The following SPATS2 variants were observed in gnomAD, a reference collection of about 807,000 sequenced individuals.
SPATS2 encodes spermatogenesis associated serine rich 2.
In SPATS2, 38 loss-of-function variants were observed where a neutral mutation model predicts 63.7. The ratio of observed to expected loss-of-function variants is 0.60; its 90% confidence interval spans 0.46 to 0.78. SPATS2 has a LOEUF of 0.78. SPATS2 is among the 30% of genes least tolerant of loss of function. The pLI is 0.00. For missense variants in SPATS2, 588 were observed against 666.2 expected (o/e 0.88, Z 1.29); for synonymous variants, 207 against 232.9 (o/e 0.89, Z 1.01).
intron 2 of SPATS2, among the ~76,000 whole-genome samples, chr12:49,459,940 GAAA>G (rs533258878): frequency 1.9e-5 from 2 of 105,754 alleles, no homozygotes; most frequent in Non-Finnish European, 3.9e-5. Context: ...TGTCTCTACT[GAAA>G]AAAAAAAAAA....
intron 2 of SPATS2, among the ~76,000 whole-genome samples, chr12:49,421,392 G>A (rs1944979548): frequency 1.5e-5 from 2 of 131,694 alleles, no homozygotes; most frequent in Admixed American, 1.8e-4. Flanking sequence ...ACTCCAGCCT[G>A]GGCAACAGAG....
intron 2 of SPATS2, among the ~76,000 whole-genome samples, chr12:49,419,504 CAGT>C (rs1944943626): frequency 6.6e-6 from 1 of 152,146 alleles, no homozygotes; most frequent in African/African-American, 2.4e-5. Context: ...TTTGTGAAAC[CAGT>C]AATTCCATAG....
Position 49,526,349 on chromosome 12 carries a change from A to T in SPATS2, c.*94A>T. ...TACAGTTAGATGTAATAACAAAAAGAAGTTTATGCGTATCACTTTTTGTGC... is the reference window on the plus strand; with the variant it reads ...TACAGTTAGATGTAATAACAAAAAGTAGTTTATGCGTATCACTTTTTGTGC... On this transcript the variant is annotated 3_prime_UTR_variant, in exon 14 of 14. Transcript: ENST00000552918. 1 of 1,390,004 alleles carries T rather than the reference A, an allele frequency of 7.2e-7. No individual in the cohort carries two copies. Among genetic ancestry groups the T allele is most frequent in the Non-Finnish European group, 9.6e-7 (1 of 1,040,726 alleles). The allele number at this position is 1,390,004 out of a possible 1,614,324, so 86.1% of individuals were successfully genotyped here.
At chr12:49,368,189 C>A (rs951214273) in intron 1 of SPATS2, among the ~76,000 whole-genome samples, 1 of 152,194 alleles carries the variant, frequency 6.6e-6, no homozygotes, top group Admixed American at 6.5e-5. Flanking sequence ...TCTCATAATT[C>A]ATCCAGAATG....
intron 9 of SPATS2, among the ~76,000 whole-genome samples, chr12:49,508,987 C>G (rs1019562021): frequency 6.6e-6 from 1 of 151,904 alleles, no homozygotes; most frequent in Non-Finnish European, 1.5e-5. Flanking sequence ...TTGCTTGAAC[C>G]GGGGACGCAA....
intron 2 of SPATS2, among the ~76,000 whole-genome samples, chr12:49,456,386 A>G (rs1945719745): frequency 6.6e-6 from 1 of 152,222 alleles, no homozygotes; most frequent in Non-Finnish European, 1.5e-5. Flanking sequence ...GAGCATATCT[A>G]GAGTGTAAAA....
chr12:49,398,765 C>A (rs774494593), intron 2 of SPATS2, among the ~76,000 whole-genome samples: 22 of 152,098 alleles, frequency 1.4e-4, no homozygotes, highest in Non-Finnish European at 2.6e-4. Context: ...CCCACCAACC[C>A]CCATGTTTTC....
At chr12:49,514,729 A>C in intron 10 of SPATS2, 116 bp downstream of exon 10, 1 of 892,990 alleles carries the variant, frequency 1.1e-6, no homozygotes, top group Non-Finnish European at 1.7e-6. Context: ...TATATATTTA[A>C]ATAATCTTAA....
chr12:49,455,126 GCTTGC>G (rs1170999785), intron 2 of SPATS2, among the ~76,000 whole-genome samples: 5 of 151,754 alleles, frequency 3.3e-5, no homozygotes, highest in Non-Finnish European at 7.4e-5. Context: ...TTAAAGTCTG[GCTTGC>G]TGAAGTTACA....
At chr12:49,513,241 G>A (rs1946782526) in intron 9 of SPATS2, among the ~76,000 whole-genome samples, 1 of 149,482 alleles carries the variant, frequency 6.7e-6, no homozygotes. Flanking sequence ...GTGTGTTTGA[G>A]TGTGATTACA....
At chr12:49,380,714 A>AT (rs1555177687) in intron 2 of SPATS2, among the ~76,000 whole-genome samples, 1,909 of 151,218 alleles carry the variant, frequency 0.013, 31 homozygotes, top group African/African-American at 0.031. Flanking sequence ...TCAAAAAAAA[A>AT]ATATATATAT....
rs188030634 is a variant in SPATS2 at position 49,520,719 on chromosome 12, C to A, written c.1008+1537C>A. 3.2e-3 allele frequency among the ~76,000 whole-genome samples: 488 copies of A among 151,972 alleles called. 1 individual carries two copies. The highest frequency in any genetic ancestry group is 0.018 in the South Asian group (84 of 4,798). On this transcript the variant is annotated intron_variant, in intron 11 of 13. Coordinates refer to ENST00000552918, the MANE Select transcript of SPATS2 (RefSeq NM_023071.4). ...CAATTACTTGGGTTCAACATTTATA[C>A]CTTTTTAATTTTTTTTTTTTTTTGA...
intron 8 of SPATS2, among the ~76,000 whole-genome samples, chr12:49,499,174 A>AT (rs371591347): frequency 1.9e-3 from 287 of 151,902 alleles, no homozygotes; most frequent in African/African-American, 6.3e-3. Context: ...TCTGTGATTG[A>AT]TTTTTTCTCT....
At chr12:49,482,961 C>A (rs1592443411) in intron 3 of SPATS2, among the ~76,000 whole-genome samples, 1 of 151,534 alleles carries the variant, frequency 6.6e-6, no homozygotes, top group East Asian at 1.9e-4. Flanking sequence ...GCTAATTTTT[C>A]TCCTTTTTAT....
At chr12:49,462,496 C>T (rs930609902) in intron 3 of SPATS2, 1 of 698,226 alleles carries the variant, frequency 1.4e-6, no homozygotes, top group Non-Finnish European at 2.6e-6. Context: ...TGGGCCCTTT[C>T]CCCCCGTGTG....
Position 49,385,099 on chromosome 12 carries a change from GCA to G in SPATS2, c.-244+13811_-244+13812del, listed in dbSNP as rs1224665178. 5.3e-5 allele frequency among the ~76,000 whole-genome samples: 8 copies of G among 152,102 alleles called. No homozygotes were observed. In the South Asian group the frequency reaches 6.2e-4, roughly 12 times the overall value. On this transcript the variant is annotated intron_variant, in intron 2 of 13. Transcript: ENST00000552918. ...GCTAGGATTACAGGTGTGACCCACT[GCA>G]CCCAGTCCATTCATTTCTTTAATAA...
chr12:49,467,891 G>T (rs899632780), intron 3 of SPATS2, among the ~76,000 whole-genome samples: 3 of 151,402 alleles, frequency 2.0e-5, no homozygotes, highest in Non-Finnish European at 4.4e-5. Context: ...CTGCCACCAC[G>T]CCCGGCTAAT....
intron 2 of SPATS2, among the ~76,000 whole-genome samples, chr12:49,451,100 G>A (rs1295447547): frequency 6.6e-6 from 1 of 151,936 alleles, no homozygotes; most frequent in South Asian, 2.1e-4. Flanking sequence ...TCTAACTCCT[G>A]ACCTCAGGTG....
In SPATS2 at chr12:49,500,052, TC is replaced by T; in HGVS notation, c.704-17del. ...TTATTCTTTTTTTTTTTTTAATATT[TC>T]GGTTTTTTTCCCCAAGGTTCCAATA... is the stretch of plus-strand genomic sequence containing the variant. On this transcript the variant is annotated splice_polypyrimidine_tract_variant and intron_variant, in intron 8 of 13. Coordinates refer to ENST00000552918, the MANE Select transcript of SPATS2 (RefSeq NM_023071.4). 7.0e-7 allele frequency: 1 copy of T among 1,433,452 alleles called. No individual in the cohort carries two copies. Among genetic ancestry groups the T allele is most frequent in the Non-Finnish European group, 9.2e-7 (1 of 1,091,524 alleles). The allele number at this position is 1,433,452 out of a possible 1,614,324, so 88.8% of individuals were successfully genotyped here. A position where few individuals can be genotyped will look rare whatever the true frequency, so the allele number is the denominator to read the frequency against.
Sources: gnomAD v4.1 joint callset for allele counts (sites outside exome capture counted in the v4.1 genomes callset) on GRCh38, gnomAD v4.1.1 for gene constraint, MANE v1.5 for transcripts, NCBI Gene and HGNC (gene_info 2026-07-23, HGNC 2026-07-21) for gene names.